Variants in HIF1A observed in about 807,000 individuals in gnomAD.
HIF1A encodes hypoxia-inducible factor 1-alpha.
HIF1A carries 24 observed loss-of-function variants against 92.7 expected under a neutral mutation model. The ratio of observed to expected loss-of-function variants is 0.26; its 90% CI spans 0.19 to 0.36. The LOEUF (loss-of-function observed/expected upper bound fraction) is 0.36, where lower values mean the gene tolerates loss of function less well. Ranked by LOEUF, HIF1A falls within the 10% of genes least tolerant of loss-of-function variation. The probability of loss-of-function intolerance (pLI) is 1.00; values close to 1 mark genes in which losing one functional copy is unlikely to be tolerated. For missense variants in HIF1A, 799 were observed against 998.5 expected (o/e 0.80, Z 2.69); for synonymous variants, 319 against 338.7 (o/e 0.94, Z 0.64).
intron 13 of HIF1A, 52 bp from the exon 14 acceptor site, chr14:61,745,639 T>TTTAAA (rs2044771518): frequency 6.5e-7 from 1 of 1,546,048 alleles, no homozygotes; most frequent in African/African-American, 1.4e-5. Context: ...TTTTTGGTTG[T>TTTAAA]TTAAAAAAAA....
intron 7 of HIF1A, among the ~76,000 whole-genome samples, chr14:61,733,597 A>C (rs1008939031): frequency 7.2e-5 from 11 of 152,212 alleles, no homozygotes; most frequent in Non-Finnish European, 7.3e-5. Context: ...GAGTAAATCC[A>C]AGTCTGCAGT....
At chr14:61,714,218 T>C (rs1232058244) in intron 1 of HIF1A, among the ~76,000 whole-genome samples, 1 of 152,122 alleles carries the variant, frequency 6.6e-6, no homozygotes, top group Non-Finnish European at 1.5e-5. Flanking sequence ...GCTTCCCAAA[T>C]CTGTGAAAAC....
intron 1 of HIF1A, chr14:61,697,612 A>G: frequency 1.9e-6 from 2 of 1,035,240 alleles, no homozygotes; most frequent in South Asian, 8.7e-5. Flanking sequence ...GTTACTTTCA[A>G]AATTTTCTCA....
At chr14:61,735,104 T>C (rs890242222) in intron 8 of HIF1A, among the ~76,000 whole-genome samples, 14 of 152,228 alleles carry the variant, frequency 9.2e-5, no homozygotes, top group African/African-American at 4.8e-5. Context: ...TACCACATTC[T>C]AGTCCATCTT....
chr14:61,720,707 A>T (rs1038708127), intron 2 of HIF1A, 135 bp downstream of exon 2: 3 of 449,892 alleles, frequency 6.7e-6, no homozygotes, highest in Non-Finnish European at 1.1e-5. Flanking sequence ...ACGTTTAAAA[A>T]TTTTTCTGTA....
chr14:61,736,612 G>T (rs928356508), intron 8 of HIF1A, among the ~76,000 whole-genome samples: 9 of 152,180 alleles, frequency 5.9e-5, no homozygotes, highest in Non-Finnish European at 1.5e-5. Context: ...TCTCACTTAG[G>T]ATAATGGTCT....
intron 1 of HIF1A, among the ~76,000 whole-genome samples, chr14:61,715,124 G>A (rs1208471897): frequency 1.3e-5 from 2 of 152,112 alleles, no homozygotes; most frequent in African/African-American, 4.8e-5. Flanking sequence ...TGAAATAGCT[G>A]CTCTGTACAA....
intron 8 of HIF1A, among the ~76,000 whole-genome samples, chr14:61,736,438 C>G (rs1384925279): frequency 6.6e-6 from 1 of 152,028 alleles, no homozygotes; most frequent in African/African-American, 2.4e-5. Context: ...GATCCTGTCA[C>G]CCAGGTAGTG....
intron 1 of HIF1A, chr14:61,716,873 A>C (rs2044370188): frequency 6.6e-6 from 1 of 152,192 alleles, no homozygotes; most frequent in Non-Finnish European, 1.5e-5. Context: ...AGATTGAGCT[A>C]TTTTGCCAGT....
In HIF1A at chr14:61,727,532, T is replaced by G; in HGVS notation, c.650T>G (p.Met217Arg). The G allele has an allele frequency of 6.2e-7, 1 of 1,613,756 alleles. No individual in the cohort carries two copies. The highest frequency in any genetic ancestry group is 1.6e-4 in the Middle Eastern group (1 of 6,062). ...QPQCGYKKPP[M>R]TCLVLICEPI... ...CAGTGTGGGTATAAGAAACCACCTATGACCTGCTTGGTGCTGATTTGTGAA... is the reference window on the plus strand; with the variant it reads ...CAGTGTGGGTATAAGAAACCACCTAGGACCTGCTTGGTGCTGATTTGTGAA... Residue 217 changes from methionine (M) to arginine (R), a missense_variant, in exon 6 of 15, where the codon ATG (methionine) becomes AGG (arginine). By Grantham distance (91) the Met-to-Arg change is moderately conservative (BLOSUM62 -1). This residue lies in a region of HIF1A where 516 missense variants were observed against 721.0 expected (regional missense o/e 0.72). Coordinates refer to ENST00000337138, the MANE Select transcript of HIF1A (RefSeq NM_001530.4).
chr14:61,711,769 G>A (rs567477169), intron 1 of HIF1A, among the ~76,000 whole-genome samples: 4 of 152,238 alleles, frequency 2.6e-5, no homozygotes, highest in African/African-American at 9.6e-5. Flanking sequence ...CATTTACTAA[G>A]CTGCTTTTCT....
intron 6 of HIF1A, among the ~76,000 whole-genome samples, chr14:61,732,205 T>A (rs12885226): frequency 6.6e-6 from 1 of 152,178 alleles, no homozygotes; most frequent in South Asian, 2.1e-4. Context: ...ACAGGAGGAA[T>A]CTAGAGGACT....
chr14:61,724,382 C>CCT (rs2044476537), intron 4 of HIF1A, among the ~76,000 whole-genome samples: 1 of 30,148 alleles, frequency 3.3e-5, no homozygotes, highest in African/African-American at 5.5e-5. Flanking sequence ...TCTCTCTCTC[C>CCT]CCCTCCCTCC....
At chr14:61,710,217 T>C (rs1426859880) in intron 1 of HIF1A, among the ~76,000 whole-genome samples, 8 of 152,170 alleles carry the variant, frequency 5.3e-5, no homozygotes, top group African/African-American at 1.9e-4. Context: ...TATCCTGAAA[T>C]TTTGTGGTAG....
chr14:61,707,948 C>G (rs2044260589), intron 1 of HIF1A, among the ~76,000 whole-genome samples: 1 of 152,110 alleles, frequency 6.6e-6, no homozygotes, highest in Admixed American at 6.5e-5. Flanking sequence ...TCCTGTTTCT[C>G]CACATCCTCT....
chr14:61,728,675 T>C (rs530634458), intron 6 of HIF1A, among the ~76,000 whole-genome samples: 1 of 152,338 alleles, frequency 6.6e-6, no homozygotes, highest in African/African-American at 2.4e-5. Context: ...ATATATCTCT[T>C]GATCCATTTC....
intron 6 of HIF1A, among the ~76,000 whole-genome samples, chr14:61,728,302 A>AGT (rs2044533093): frequency 6.6e-6 from 1 of 152,190 alleles, no homozygotes; most frequent in Admixed American, 6.5e-5. Flanking sequence ...TAGAAAGCCA[A>AGT]GTGTTTGTAC....
intron 1 of HIF1A, among the ~76,000 whole-genome samples, chr14:61,715,047 AAC>A (rs1328916228): frequency 6.6e-6 from 1 of 152,146 alleles, no homozygotes; most frequent in African/African-American, 2.4e-5. Context: ...GAAAAAAAAA[AAC>A]AGTTTCTGTG....
intron 1 of HIF1A, among the ~76,000 whole-genome samples, chr14:61,705,607 C>CTG (rs1367480529): frequency 6.6e-6 from 1 of 152,088 alleles, no homozygotes; most frequent in Admixed American, 6.5e-5. Flanking sequence ...ATATATTGAG[C>CTG]ATCTGATTTG....
Sources: allele counts gnomAD v4.1 joint callset (sites outside exome capture counted in the v4.1 genomes callset), GRCh38; gene constraint gnomAD v4.1.1; regional missense constraint gnomAD v4.1.1; transcripts MANE v1.5; gene names NCBI Gene and HGNC (gene_info 2026-07-23, HGNC 2026-07-21).